LUZP2: variants seen among roughly 807,000 people sequenced by gnomAD.
LUZP2 encodes the protein leucine zipper protein 2.
A neutral mutation model predicts 51.6 loss-of-function variants in LUZP2; 52 were observed. The observed-to-expected ratio is 1.01, with a 90% CI of 0.81 to 1.27. The LOEUF is 1.27. Among genes scored for constraint, LUZP2 ranks in the 50% most tolerant of loss-of-function variants. LUZP2 has a pLI of 0.00. For missense variants in LUZP2, 436 were observed against 395.4 expected (o/e 1.10, Z -0.87); for synonymous variants, 154 against 137.3 (o/e 1.12, Z -0.85).
At chr11:25,054,639 A>G (rs770547422) in intron 10 of LUZP2, among the ~76,000 whole-genome samples, 7 of 152,140 alleles carry the variant, frequency 4.6e-5, no homozygotes, top group Non-Finnish European at 7.3e-5. Flanking sequence ...TGACACAAAC[A>G]TGAGTTCATT....
chr11:24,654,751 C>G (rs972238695), intron 1 of LUZP2, among the ~76,000 whole-genome samples: 1 of 150,196 alleles, frequency 6.7e-6, no homozygotes, highest in Non-Finnish European at 1.5e-5. Flanking sequence ...TCTTGAGCTT[C>G]TGGCCTTAGG....
chr11:25,001,881 C>G (rs1452005635), intron 9 of LUZP2, among the ~76,000 whole-genome samples: 1 of 152,026 alleles, frequency 6.6e-6, no homozygotes, highest in Non-Finnish European at 1.5e-5. Flanking sequence ...TTCTCTCTTT[C>G]CTTTCTGCTG....
intron 9 of LUZP2, among the ~76,000 whole-genome samples, chr11:25,017,936 G>A (rs1857204390): frequency 6.6e-6 from 1 of 151,910 alleles, no homozygotes; most frequent in African/African-American, 2.4e-5. Flanking sequence ...CCATTTGCTT[G>A]TGTCATCTAT....
chr11:24,610,631 CTT>C (rs1854087657), intron 1 of LUZP2, among the ~76,000 whole-genome samples: 1 of 152,068 alleles, frequency 6.6e-6, no homozygotes, highest in Admixed American at 6.6e-5. Flanking sequence ...AAAGAGTAAA[CTT>C]TTCTATTTTC....
chr11:24,843,103 A>G (rs1031858821), intron 5 of LUZP2, among the ~76,000 whole-genome samples: 4 of 152,020 alleles, frequency 2.6e-5, no homozygotes, highest in Admixed American at 6.6e-5. Context: ...AGAGAATACT[A>G]TGAGAAAACT....
intron 1 of LUZP2, among the ~76,000 whole-genome samples, chr11:24,604,883 T>C (rs1311827717): frequency 6.6e-6 from 1 of 151,830 alleles, no homozygotes. Context: ...GTGTGCTATG[T>C]CTAATATGCA....
intron 3 of LUZP2, among the ~76,000 whole-genome samples, chr11:24,736,436 G>C (rs2060304520): frequency 6.6e-6 from 1 of 151,736 alleles, no homozygotes; most frequent in Admixed American, 6.6e-5. Flanking sequence ...CTCAGTGCTT[G>C]TTGAAGATTT....
intron 10 of LUZP2, among the ~76,000 whole-genome samples, chr11:25,060,622 T>C (rs1388992890): frequency 6.6e-6 from 1 of 152,220 alleles, no homozygotes; most frequent in Non-Finnish European, 1.5e-5. Flanking sequence ...ATTATCATCA[T>C]TTAACAAATG....
chr11:24,506,396 G>A (rs1850146449), intron 1 of LUZP2, among the ~76,000 whole-genome samples: 1 of 152,042 alleles, frequency 6.6e-6, no homozygotes, highest in South Asian at 2.1e-4. Flanking sequence ...TGAAAAATTG[G>A]AGTAACATCT....
At chr11:24,586,278 A>G (rs116472440) in intron 1 of LUZP2, among the ~76,000 whole-genome samples, 2,820 of 151,964 alleles carry the variant, frequency 0.019, 82 homozygotes, top group African/African-American at 0.065. Flanking sequence ...ACATTACCCC[A>G]TCTCTCTCAC....
chr11:24,585,152 G>C (rs1304478283), intron 1 of LUZP2, among the ~76,000 whole-genome samples: 1 of 152,072 alleles, frequency 6.6e-6, no homozygotes, highest in African/African-American at 2.4e-5. Context: ...TACAAGGACA[G>C]CATAAACATA....
intron 1 of LUZP2, among the ~76,000 whole-genome samples, chr11:24,521,881 C>T (rs1403512544): frequency 1.3e-5 from 2 of 152,032 alleles, no homozygotes; most frequent in African/African-American, 2.4e-5. Flanking sequence ...ATGTTAGAAA[C>T]GTTTCATAGC....
intron 7 of LUZP2, among the ~76,000 whole-genome samples, chr11:24,918,820 C>T (rs908480286): frequency 7.6e-6 from 1 of 130,864 alleles, no homozygotes; most frequent in Admixed American, 8.1e-5. Context: ...GATATATATA[C>T]ACATATATCT....
At chr11:24,678,075 A>AGGGG (rs71041788) in intron 1 of LUZP2, among the ~76,000 whole-genome samples, 8 of 69,742 alleles carry the variant, frequency 1.1e-4, no homozygotes, top group Non-Finnish European at 8.3e-5. Flanking sequence ...GAAAGGAGAA[A>AGGGG]GGGGGGGGGG....
chr11:25,005,099 C>G (rs868288672), intron 9 of LUZP2, among the ~76,000 whole-genome samples: 5 of 152,072 alleles, frequency 3.3e-5, no homozygotes, highest in Admixed American at 6.6e-5. Context: ...GGACATGTAC[C>G]CAGGTTGGAC....
intron 1 of LUZP2, among the ~76,000 whole-genome samples, chr11:24,687,864 A>AT (rs1856940745): frequency 6.6e-6 from 1 of 152,082 alleles, no homozygotes; most frequent in Non-Finnish European, 1.5e-5. Context: ...GCATTAACAT[A>AT]TTTTTTTCAA....
intron 11 of LUZP2, among the ~76,000 whole-genome samples, 167 bp from the exon 12 acceptor site, chr11:25,078,387 A>G (rs916480810): frequency 6.6e-6 from 1 of 152,358 alleles, no homozygotes; most frequent in Middle Eastern, 3.4e-3. Flanking sequence ...TTTATGAAAT[A>G]TAATTAACAT....
chr11:24,746,740 T>G (rs1279808590), intron 4 of LUZP2, among the ~76,000 whole-genome samples: 1 of 152,192 alleles, frequency 6.6e-6, no homozygotes, highest in Non-Finnish European at 1.5e-5. Context: ...GAGGCTTAGT[T>G]CATATTTTCT....
At chr11:24,532,537 C>T (rs926578824) in intron 1 of LUZP2, among the ~76,000 whole-genome samples, 13 of 150,928 alleles carry the variant, frequency 8.6e-5, no homozygotes, top group African/African-American at 3.1e-4. Flanking sequence ...CTCCCACTTC[C>T]ATCCTTCATC....
Sources: allele counts gnomAD v4.1 joint callset (sites outside exome capture counted in the v4.1 genomes callset), GRCh38; gene constraint gnomAD v4.1.1; transcripts MANE v1.5; gene names NCBI Gene and HGNC (gene_info 2026-07-23, HGNC 2026-07-21).